Variants in ZC3H18 observed in about 807,000 individuals in gnomAD.
The protein encoded by ZC3H18 is zinc finger CCCH domain-containing protein 18.
A neutral mutation model predicts 106.1 loss-of-function variants in ZC3H18; 8 were observed. The observed-to-expected ratio is 0.08, with a 90% confidence interval of 0.04 to 0.14. The LOEUF (loss-of-function observed/expected upper bound fraction) is 0.14. Among genes scored for constraint, ZC3H18 ranks in the 10% least tolerant of loss-of-function variants. The pLI, the probability that ZC3H18 is intolerant of heterozygous loss-of-function variation, is 1.00. For missense variants in ZC3H18, 1,318 were observed against 1,278.4 expected, an observed-to-expected ratio of 1.03 and a Z score of -0.47; for synonymous variants, 635 against 522.1, an observed-to-expected ratio of 1.22 and a Z score of -2.95.
At chr16:88,612,502 TAA>T (rs759451397) in intron 8 of ZC3H18, among the ~76,000 whole-genome samples, 14 of 132,852 alleles carry the variant, frequency 1.1e-4, no homozygotes, top group Admixed American at 2.3e-4. Flanking sequence ...CATCTCTATT[TAA>T]AAAAAAAAAA....
intron 3 of ZC3H18, among the ~76,000 whole-genome samples, chr16:88,597,007 A>C (rs1265176345): frequency 6.6e-6 from 1 of 151,994 alleles, no homozygotes; most frequent in Admixed American, 6.6e-5. Context: ...TGCAAGCTCC[A>C]CCTCCTGGGT....
chr16:88,609,965 C>T (rs139713083), intron 7 of ZC3H18, among the ~76,000 whole-genome samples: 1 of 152,156 alleles, frequency 6.6e-6, no homozygotes, highest in Non-Finnish European at 1.5e-5. Context: ...GGGGTGCCTG[C>T]GTCTCCCTGC....
chr16:88,573,180 G>C (rs965529526), intron 1 of ZC3H18, among the ~76,000 whole-genome samples: 2 of 152,090 alleles, frequency 1.3e-5, no homozygotes, highest in African/African-American at 2.4e-5. Flanking sequence ...ATCAGAATTT[G>C]TCATATTTCA....
chr16:88,582,999 A>G (rs1299721779), intron 2 of ZC3H18, among the ~76,000 whole-genome samples: 1 of 152,122 alleles, frequency 6.6e-6, no homozygotes, highest in African/African-American at 2.4e-5. Flanking sequence ...GGAATGATAG[A>G]CCCGTATTTT....
chr16:88,575,353 A>G (rs1349209477), intron 1 of ZC3H18, among the ~76,000 whole-genome samples: 2 of 152,008 alleles, frequency 1.3e-5, no homozygotes, highest in Non-Finnish European at 2.9e-5. Context: ...TTATCTTGAG[A>G]TGAATAATCT....
intron 3 of ZC3H18, among the ~76,000 whole-genome samples, chr16:88,592,023 C>G (rs1915786037): frequency 2.0e-5 from 3 of 152,088 alleles, no homozygotes; most frequent in Admixed American, 1.3e-4. Context: ...TGTGTTTCAT[C>G]TTTTGCGGAG....
At chr16:88,624,923 C>T (rs1268594526) in intron 12 of ZC3H18, among the ~76,000 whole-genome samples, 178 bp downstream of exon 12, 1 of 152,240 alleles carries the variant, frequency 6.6e-6, no homozygotes, top group African/African-American at 2.4e-5. Flanking sequence ...CCTCCCTGAG[C>T]CTGTGTTTCT....
At position 88,599,941 on chromosome 16, in the gene ZC3H18, G is replaced by C; in HGVS notation, c.1081G>C (p.Asp361His). The C allele has an allele frequency of 6.2e-7, 1 of 1,614,030 alleles. No individual in the cohort carries two copies. Among genetic ancestry groups the C allele is most frequent in the Non-Finnish European group, 8.5e-7 (1 of 1,179,934 alleles). The change falls in exon 6 of 18, where the codon GAC becomes CAC. Residue 361 changes from aspartate (D) to histidine (H), a missense_variant. Transcript: ENST00000301011. ...TTCTCGGATCCCGAGAGATGTCAGA[G>C]ACACAGTGTAAGGAATGGCCCTGCC... ...WNSRIPRDVR[D>H]TVLEPYADPY...
chr16:88,616,718 G>A (rs1172099537), intron 8 of ZC3H18, among the ~76,000 whole-genome samples: 1 of 152,224 alleles, frequency 6.6e-6, no homozygotes, highest in East Asian at 1.9e-4. Flanking sequence ...TAGGTGGATA[G>A]AAAGAACTTT....
At chr16:88,620,689 G>A (rs1905903728) in intron 8 of ZC3H18, among the ~76,000 whole-genome samples, 1 of 151,958 alleles carries the variant, frequency 6.6e-6, no homozygotes, top group Admixed American at 6.6e-5. Flanking sequence ...ACCGAGCCCA[G>A]GTTCGGCACC....
intron 15 of ZC3H18, 36 bp downstream of exon 15, chr16:88,628,155 G>A (rs369741604): frequency 2.4e-5 from 39 of 1,604,108 alleles, no homozygotes; most frequent in African/African-American, 2.1e-4. Context: ...CTGCCCCAGC[G>A]TCTAGGCCTG....
chr16:88,590,962 G>A (rs1265051058), intron 3 of ZC3H18, among the ~76,000 whole-genome samples: 1 of 135,468 alleles, frequency 7.4e-6, no homozygotes, highest in Non-Finnish European at 1.5e-5. Flanking sequence ...TTAAAATTGT[G>A]GTGGAATACT....
chr16:88,609,550 C>T (rs1183491562), intron 7 of ZC3H18, among the ~76,000 whole-genome samples: 1 of 152,022 alleles, frequency 6.6e-6, no homozygotes, highest in Non-Finnish European at 1.5e-5. Context: ...AATCCGCCTG[C>T]TTTAGCCTCC....
At chr16:88,582,690 G>A (rs778475913) in intron 2 of ZC3H18, among the ~76,000 whole-genome samples, 1 of 152,158 alleles carries the variant, frequency 6.6e-6, no homozygotes, top group Non-Finnish European at 1.5e-5. Context: ...GTGCCCCTTA[G>A]CGTGGTTAGT....
chr16:88,600,026 G>C, intron 6 of ZC3H18, 78 bp downstream of exon 6: 1 of 1,541,122 alleles, frequency 6.5e-7, no homozygotes, highest in South Asian at 1.2e-5. Context: ...CATGTGCAGG[G>C]CCCCAGGGTG....
intron 8 of ZC3H18, among the ~76,000 whole-genome samples, chr16:88,620,877 G>GT (rs1039313406): frequency 1.3e-5 from 2 of 152,090 alleles, no homozygotes; most frequent in Admixed American, 6.6e-5. Context: ...TTTTTTGTTT[G>GT]TTTTTTATAA....
intron 8 of ZC3H18, among the ~76,000 whole-genome samples, chr16:88,615,511 A>G (rs940053767): frequency 1.3e-5 from 2 of 152,344 alleles, no homozygotes; most frequent in African/African-American, 4.8e-5. Flanking sequence ...ATTTGGTATC[A>G]GCCTGCATTT....
rs139291202 is a variant in ZC3H18, at chr16:88,623,604, C to G, written c.1793+260C>G. ...CGAGTTGAGGCACTCCAGTCCTCCG[C>G]AGACAGGCCGAGGAAGGGGCCAGAC... On this transcript the variant is annotated intron_variant, in intron 10 of 17. Coordinates refer to ENST00000301011, the MANE Select transcript of ZC3H18 (RefSeq NM_144604.4). 864 of 587,876 alleles carry G rather than the reference C, an allele frequency of 1.5e-3. 7 individuals are homozygous for G. In the African/African-American group the frequency reaches 0.015, roughly 10 times the overall value. 36.4% of individuals were successfully genotyped at this position (587,876 alleles called of 1,614,324 possible).
chr16:88,625,422 C>A, intron 13 of ZC3H18, 155 bp downstream of exon 13: 1 of 865,228 alleles, frequency 1.2e-6, no homozygotes, highest in Non-Finnish European at 1.8e-6. Context: ...GCGGTTGAAG[C>A]TTTGACACAG....
Sources: allele counts gnomAD v4.1 joint callset (sites outside exome capture counted in the v4.1 genomes callset), GRCh38; gene constraint gnomAD v4.1.1; transcripts MANE v1.5; gene names NCBI Gene and HGNC (gene_info 2026-07-23, HGNC 2026-07-21).